The following ARHGAP10 variants were observed in gnomAD, a reference collection of about 807,000 sequenced individuals.
ARHGAP10 encodes Rho GTPase activating protein 10, also known as rho GTPase-activating protein 10.
A neutral mutation model predicts 108.6 loss-of-function variants in ARHGAP10; 87 were observed. That is an observed-to-expected ratio of 0.80 (90% CI 0.67 to 0.96). The LOEUF is 0.96. Ranked by LOEUF, ARHGAP10 falls within the 40% of genes least tolerant of loss-of-function variation. The pLI is 0.00. For synonymous variants in ARHGAP10, 347 were observed against 341.1 expected (o/e 1.02, Z -0.19); for missense variants, 939 against 954.5 (o/e 0.98, Z 0.21).
chr4:148,070,866 T>C (rs534124003), intron 22 of ARHGAP10, among the ~76,000 whole-genome samples: 3 of 152,286 alleles, frequency 2.0e-5, no homozygotes, highest in Admixed American at 2.0e-4. Flanking sequence ...TGGGGCCTGC[T>C]CACAGCTGGG....
chr4:148,001,860 C>G (rs1029880614), intron 18 of ARHGAP10, among the ~76,000 whole-genome samples: 5 of 152,200 alleles, frequency 3.3e-5, no homozygotes, highest in Admixed American at 2.6e-4. Context: ...CATCTGCAAA[C>G]AGGGACAATT....
At chr4:148,020,357 C>T (rs766910385) in intron 18 of ARHGAP10, among the ~76,000 whole-genome samples, 2 of 151,938 alleles carry the variant, frequency 1.3e-5, no homozygotes, top group Non-Finnish European at 2.9e-5. Flanking sequence ...GTTACATGAA[C>T]GTGTGGCATG....
chr4:147,942,923 C>T (rs1401952331), intron 14 of ARHGAP10, among the ~76,000 whole-genome samples: 1 of 152,212 alleles, frequency 6.6e-6, no homozygotes, highest in Non-Finnish European at 1.5e-5. Flanking sequence ...CCTTTTTCTT[C>T]CCCTTTGCAG....
chr4:147,798,409 G>C (rs967665420), intron 1 of ARHGAP10, among the ~76,000 whole-genome samples: 1 of 152,100 alleles, frequency 6.6e-6, no homozygotes, highest in African/African-American at 2.4e-5. Context: ...TGAATCTTCT[G>C]TGTTAAAAAA....
intron 1 of ARHGAP10, among the ~76,000 whole-genome samples, chr4:147,793,007 G>A (rs1731176457): frequency 6.6e-6 from 1 of 152,070 alleles, no homozygotes; most frequent in Admixed American, 6.5e-5. Context: ...GTGTGGTGAT[G>A]CATGCCTGTA....
chr4:147,872,245 G>A (rs1734855915), intron 7 of ARHGAP10, among the ~76,000 whole-genome samples: 1 of 152,148 alleles, frequency 6.6e-6, no homozygotes, highest in Non-Finnish European at 1.5e-5. Flanking sequence ...TGGCTGCTGG[G>A]GCATTTGGGA....
At chr4:147,860,619 G>C (rs1435024586) in intron 5 of ARHGAP10, among the ~76,000 whole-genome samples, 1 of 152,102 alleles carries the variant, frequency 6.6e-6, no homozygotes, top group Non-Finnish European at 1.5e-5. Flanking sequence ...ACTGTAACAA[G>C]TATTGGATAT....
intron 1 of ARHGAP10, among the ~76,000 whole-genome samples, chr4:147,742,961 T>C (rs1217621895): frequency 6.6e-6 from 1 of 151,222 alleles, no homozygotes; most frequent in Non-Finnish European, 1.5e-5. Flanking sequence ...GAATACAGTG[T>C]CCTTGACATG....
intron 3 of ARHGAP10, among the ~76,000 whole-genome samples, chr4:147,827,417 A>C (rs1732754997): frequency 6.6e-6 from 1 of 152,206 alleles, no homozygotes; most frequent in Non-Finnish European, 1.5e-5. Flanking sequence ...ACAATATACA[A>C]AGTGCGCCAG....
At chr4:147,952,377 A>G (rs1738636143) in intron 15 of ARHGAP10, among the ~76,000 whole-genome samples, 1 of 152,198 alleles carries the variant, frequency 6.6e-6, no homozygotes, top group Non-Finnish European at 1.5e-5. Context: ...CCTCACCAAC[A>G]ATATACAAAG....
intron 20 of ARHGAP10, among the ~76,000 whole-genome samples, chr4:148,051,687 T>C (rs1729146368): frequency 6.6e-6 from 1 of 152,196 alleles, no homozygotes; most frequent in African/African-American, 2.4e-5. Flanking sequence ...GCTTTGTTTA[T>C]CCTGAATGTT....
At chr4:147,788,199 C>T (rs1414373712) in intron 1 of ARHGAP10, among the ~76,000 whole-genome samples, 2 of 152,008 alleles carry the variant, frequency 1.3e-5, no homozygotes, top group African/African-American at 4.8e-5. Context: ...GTAATCCCAG[C>T]ACTTTGGGAG....
chr4:147,853,738 T>C (rs568633698), intron 4 of ARHGAP10, among the ~76,000 whole-genome samples: 1 of 135,670 alleles, frequency 7.4e-6, no homozygotes, highest in East Asian at 2.0e-4. Context: ...TTGATTATTA[T>C]GATTTTTTTT....
At chr4:148,003,264 A>T (rs1246551477) in intron 18 of ARHGAP10, among the ~76,000 whole-genome samples, 1 of 152,160 alleles carries the variant, frequency 6.6e-6, no homozygotes, top group East Asian at 1.9e-4. Context: ...GTTTGCTTGC[A>T]CTGTGGTCTG....
At chr4:147,759,128 T>C (rs956753588) in intron 1 of ARHGAP10, among the ~76,000 whole-genome samples, 1 of 152,078 alleles carries the variant, frequency 6.6e-6, no homozygotes, top group African/African-American at 2.4e-5. Flanking sequence ...GAACAAATGG[T>C]TTATTACTTT....
intron 6 of ARHGAP10, 52 bp downstream of exon 6, chr4:147,865,008 A>G (rs776320203): frequency 6.8e-7 from 1 of 1,466,510 alleles, no homozygotes; most frequent in Non-Finnish European, 9.5e-7. Flanking sequence ...TAAGATAAGT[A>G]TTTATTTTCC....
At chr4:147,967,659 A>G (rs1468876383) in intron 18 of ARHGAP10, among the ~76,000 whole-genome samples, 3 of 152,162 alleles carry the variant, frequency 2.0e-5, no homozygotes, top group African/African-American at 4.8e-5. Context: ...TTGATTAGAT[A>G]TTGTCTATGG....
At chr4:147,862,566 C>T (rs1734368740) in intron 5 of ARHGAP10, 1 of 152,444 alleles carries the variant, frequency 6.6e-6, no homozygotes, top group East Asian at 1.9e-4. Context: ...CTGCTCCAGA[C>T]TGGCCGCTGC....
chr4:147,911,131 T>C (rs1736713329), intron 12 of ARHGAP10, among the ~76,000 whole-genome samples: 1 of 152,146 alleles, frequency 6.6e-6, no homozygotes, highest in Admixed American at 6.5e-5. Context: ...AAAACACGGT[T>C]TTGCTAAGCA....
Sources: allele counts gnomAD v4.1 joint callset (sites outside exome capture counted in the v4.1 genomes callset), GRCh38; gene constraint gnomAD v4.1.1; transcripts MANE v1.5; gene names NCBI Gene and HGNC (gene_info 2026-07-23, HGNC 2026-07-21).